SHROOM4: variants seen among roughly 807,000 people sequenced by gnomAD.
SHROOM4 encodes the protein protein Shroom4.
SHROOM4 carries 17 observed loss-of-function variants against 80.3 expected under a neutral mutation model. The observed-to-expected ratio is 0.21, with a 90% CI of 0.14 to 0.32. SHROOM4 has a LOEUF of 0.32. Ranked by LOEUF, SHROOM4 falls within the 10% of genes least tolerant of loss-of-function variation. SHROOM4 has a pLI of 1.00. For synonymous variants in SHROOM4, 400 were observed against 437.5 expected (o/e 0.91, Z 1.07); for missense variants, 993 against 1,140.3 (o/e 0.87, Z 1.86).
intron 2 of SHROOM4, among the ~76,000 whole-genome samples, chrX:50,691,547 G>T (rs930622628): frequency 3.5e-5 from 2 of 56,950 alleles, no homozygotes; most frequent in African/African-American, 5.5e-5. Context: ...AATTGGGTGA[G>T]AGAGGAGTTG....
At chrX:50,757,909 T>C (rs1254972120) in intron 1 of SHROOM4, among the ~76,000 whole-genome samples, 1 of 111,377 alleles carries the variant, frequency 9.0e-6, no homozygotes, top group Non-Finnish European at 1.9e-5. Context: ...ATTTTAATAA[T>C]ATTATATCTT....
intron 1 of SHROOM4, among the ~76,000 whole-genome samples, chrX:50,765,352 A>G (rs1388199437): frequency 1.8e-5 from 2 of 112,214 alleles, no homozygotes; most frequent in African/African-American, 6.5e-5. Flanking sequence ...TTTCGGTCTC[A>G]TGCATATAGC....
At chrX:50,749,310 T>G (rs1310806256) in intron 1 of SHROOM4, among the ~76,000 whole-genome samples, 5 of 112,245 alleles carry the variant, frequency 4.5e-5, no homozygotes, top group African/African-American at 1.6e-4. Flanking sequence ...CTAAAGAATC[T>G]AACCCTAGCC....
rs978563803 is a variant in SHROOM4, at chrX:50,741,688, C to T, written c.118-45751G>A. 8.1e-5 allele frequency among the ~76,000 whole-genome samples: 9 copies of T among 110,957 alleles called. No individual in the cohort carries two copies. In the East Asian group the frequency reaches 2.5e-3, roughly 31 times the overall value. On this transcript the variant is annotated intron_variant, in intron 1 of 8. Transcript: ENST00000376020. ...ATGATATTGAGCACCTTTTCATGTG[C>T]TTTTGGTCATTTGTATAACATTTTT...
chrX:50,596,671 T>C lies in SHROOM4; in HGVS notation c.*24A>G. 2 of 1,206,879 alleles carry C rather than the reference T, an allele frequency of 1.7e-6. No homozygotes were observed. The highest frequency in any genetic ancestry group is 2.2e-6 in the Non-Finnish European group (2 of 895,238). ...CACTTCCCACATGGCTGGGCAGGGA[T>C]GCTGTGGCAGAGTGCTGGTAGAATT... On this transcript the variant is annotated 3_prime_UTR_variant, in exon 9 of 9. Coordinates refer to ENST00000376020, the MANE Select transcript of SHROOM4 (RefSeq NM_020717.5).
chrX:50,637,411 T>C (rs1557256321), intron 3 of SHROOM4, among the ~76,000 whole-genome samples: 1 of 112,396 alleles, frequency 8.9e-6, no homozygotes, highest in Non-Finnish European at 1.9e-5. Context: ...TCCACCACTA[T>C]TCCTGCTGAA....
intron 1 of SHROOM4, among the ~76,000 whole-genome samples, chrX:50,705,111 T>C (rs782409653): frequency 8.9e-6 from 1 of 111,821 alleles, no homozygotes; most frequent in Admixed American, 9.5e-5. Context: ...TGCTTTCACA[T>C]AGTGCTACAA....
chrX:50,686,330 T>C lies in SHROOM4; in HGVS notation c.269+9456A>G, dbSNP rs189840389. ...GATTACAGGCGTGAGTCCCCGCGCCTGGCCGGATGAAGTTTTAACCAGTAT... is the reference window on the plus strand; with the variant it reads ...GATTACAGGCGTGAGTCCCCGCGCCCGGCCGGATGAAGTTTTAACCAGTAT... On this transcript the variant is annotated intron_variant, in intron 2 of 8. Transcript: ENST00000376020. Among the ~76,000 whole-genome samples, 347 of 110,942 alleles carry C rather than the reference T, an allele frequency of 3.1e-3. 1 individual carries two copies. The highest frequency in any genetic ancestry group is 0.011 in the African/African-American group (337 of 30,578).
At chrX:50,646,681 G>A (rs1180095026) in intron 2 of SHROOM4, among the ~76,000 whole-genome samples, 1 of 108,202 alleles carries the variant, frequency 9.2e-6, no homozygotes, top group Non-Finnish European at 1.9e-5. Flanking sequence ...GGGGCTTTTG[G>A]TACCCAGCTC....
chrX:50,781,460 A>G (rs1162865905), intron 1 of SHROOM4, among the ~76,000 whole-genome samples: 1 of 111,308 alleles, frequency 9.0e-6, no homozygotes, highest in African/African-American at 3.3e-5. Context: ...ACTTACGCAT[A>G]TATGCTGAGA....
At chrX:50,722,646 ATCTC>A (rs371067544) in intron 1 of SHROOM4, among the ~76,000 whole-genome samples, 72 of 105,525 alleles carry the variant, frequency 6.8e-4, no homozygotes, top group Admixed American at 2.2e-3. Context: ...CCTTCCTTTC[ATCTC>A]TCTCTCTCTC....
chrX:50,615,098 T>TTGTG (rs58621277), intron 5 of SHROOM4, among the ~76,000 whole-genome samples: 1,257 of 98,451 alleles, frequency 0.013, 7 homozygotes, highest in East Asian at 0.046. Context: ...GATTCTCTTA[T>TTGTG]TGTGTGTGTG....
intron 2 of SHROOM4, among the ~76,000 whole-genome samples, chrX:50,661,487 C>T (rs1046723349): frequency 7.2e-4 from 81 of 111,955 alleles, no homozygotes; most frequent in African/African-American, 2.5e-3. Context: ...CATGAGCCAC[C>T]GCACCCGGCC....
intron 1 of SHROOM4, among the ~76,000 whole-genome samples, chrX:50,728,163 T>C (rs911375838): frequency 3.6e-4 from 40 of 110,265 alleles, no homozygotes; most frequent in African/African-American, 1.2e-3. Flanking sequence ...ATGGAGACCA[T>C]CCTGGCTAAC....
intron 1 of SHROOM4, among the ~76,000 whole-genome samples, chrX:50,752,497 C>T (rs1557268126): frequency 9.0e-6 from 1 of 111,421 alleles, no homozygotes; most frequent in Non-Finnish European, 1.9e-5. Context: ...AAAAATACTA[C>T]TCTACCATCT....
chrX:50,647,080 G>A (rs1031915598), intron 2 of SHROOM4, among the ~76,000 whole-genome samples: 2 of 111,812 alleles, frequency 1.8e-5, no homozygotes, highest in Non-Finnish European at 3.8e-5. Flanking sequence ...TCTGCACATA[G>A]CAGCGGGTAG....
intron 2 of SHROOM4, among the ~76,000 whole-genome samples, chrX:50,652,643 GC>G (rs1932146535): frequency 8.9e-6 from 1 of 111,972 alleles, no homozygotes; most frequent in Non-Finnish European, 1.9e-5. Context: ...TGAAGTCTTT[GC>G]CCATGGCTAT....
At chrX:50,768,579 T>C (rs918876358) in intron 1 of SHROOM4, among the ~76,000 whole-genome samples, 5 of 112,188 alleles carry the variant, frequency 4.5e-5, no homozygotes, top group Admixed American at 2.8e-4. Flanking sequence ...CCTTCGAGTT[T>C]GGTCATTCTG....
At chrX:50,612,199 C>A (rs1429764813) in intron 5 of SHROOM4, among the ~76,000 whole-genome samples, 1 of 107,895 alleles carries the variant, frequency 9.3e-6, no homozygotes, top group Non-Finnish European at 1.9e-5. Context: ...AAAAAAAACA[C>A]CCAAATGCAC....
Sources: allele counts gnomAD v4.1 joint callset (sites outside exome capture counted in the v4.1 genomes callset), GRCh38; gene constraint gnomAD v4.1.1; transcripts MANE v1.5; gene names NCBI Gene and HGNC (gene_info 2026-07-23, HGNC 2026-07-21).